EPHX2: variants seen among roughly 807,000 people sequenced by gnomAD.
The protein encoded by EPHX2 is bifunctional epoxide hydrolase 2.
A neutral mutation model predicts 78.7 loss-of-function variants in EPHX2; 74 were observed. That is an observed-to-expected ratio of 0.94 (90% CI 0.78 to 1.14). The LOEUF is 1.14. Ranked by LOEUF, EPHX2 falls within the 50% of genes most tolerant of loss-of-function variation. EPHX2 has a pLI of 0.00. For synonymous variants in EPHX2, 251 were observed against 255.2 expected (o/e 0.98, Z 0.16); for missense variants, 715 against 702.5 (o/e 1.02, Z -0.20).
At chr8:27,521,458 C>T (rs545863971) in intron 10 of EPHX2, among the ~76,000 whole-genome samples, 1 of 152,020 alleles carries the variant, frequency 6.6e-6, no homozygotes, top group Non-Finnish European at 1.5e-5. Context: ...CAGGCCCAGG[C>T]AGAACAGCAG....
chr8:27,535,860 C>G (rs1418302980), intron 12 of EPHX2, among the ~76,000 whole-genome samples: 2 of 152,190 alleles, frequency 1.3e-5, no homozygotes, highest in Non-Finnish European at 2.9e-5. Context: ...CTGGACACTT[C>G]ACTTTAGTCC....
intron 11 of EPHX2, 31 bp from the exon 12 acceptor site, chr8:27,525,331 G>A: frequency 1.3e-6 from 2 of 1,595,118 alleles, no homozygotes; most frequent in Non-Finnish European, 1.7e-6. Flanking sequence ...TTCTTACAGG[G>A]GCTATGTCTT....
chr8:27,546,084 G>A (rs912052261), downstream of EPHX2, among the ~76,000 whole-genome samples: 1 of 149,858 alleles, frequency 6.7e-6, no homozygotes, highest in Non-Finnish European at 1.5e-5. Flanking sequence ...TGTTCTCGTC[G>A]CGCCACTGCA....
At chr8:27,518,720 G>C (rs1184619926) in intron 9 of EPHX2, among the ~76,000 whole-genome samples, 1 of 152,226 alleles carries the variant, frequency 6.6e-6, no homozygotes, top group Non-Finnish European at 1.5e-5. Flanking sequence ...CAGCCCTGTG[G>C]GGGCTTCTCC....
intron 1 of EPHX2, among the ~76,000 whole-genome samples, chr8:27,498,977 T>A (rs1264341509): frequency 2.0e-5 from 3 of 152,180 alleles, no homozygotes; most frequent in Admixed American, 2.0e-4. Flanking sequence ...AGGCTGATAA[T>A]TCCAAGGTTG....
intron 5 of EPHX2, among the ~76,000 whole-genome samples, chr8:27,511,041 G>T (rs1814220829): frequency 6.6e-6 from 1 of 152,202 alleles, no homozygotes; most frequent in Non-Finnish European, 1.5e-5. Flanking sequence ...ACTAGGAGAA[G>T]ATGGCCATCT....
intron 13 of EPHX2, 26 bp downstream of exon 13, chr8:27,536,881 G>A (rs1474643966): frequency 3.7e-6 from 6 of 1,612,962 alleles, no homozygotes; most frequent in African/African-American, 1.3e-5. Context: ...GGGTGCAGAA[G>A]AACAGGAGGG....
intron 8 of EPHX2, among the ~76,000 whole-genome samples, chr8:27,517,391 A>G (rs570529239): frequency 6.6e-5 from 10 of 152,328 alleles, no homozygotes; most frequent in South Asian, 2.1e-4. Context: ...CAGCAATTCT[A>G]CAGTTCTTAT....
intron 15 of EPHX2, 103 bp downstream of exon 15, chr8:27,540,759 C>T (rs1240678505): frequency 2.8e-6 from 3 of 1,089,656 alleles, no homozygotes; most frequent in Admixed American, 3.9e-5. Flanking sequence ...TCCACCACAG[C>T]CCTCGTTAGT....
intron 1 of EPHX2, among the ~76,000 whole-genome samples, chr8:27,495,480 A>G (rs569927982): frequency 1.3e-5 from 2 of 152,322 alleles, no homozygotes; most frequent in African/African-American, 4.8e-5. Context: ...CTGGGCTACA[A>G]TTTGTTGGCA....
intron 12 of EPHX2, among the ~76,000 whole-genome samples, chr8:27,527,025 C>T (rs982872488): frequency 4.6e-5 from 7 of 152,180 alleles, no homozygotes; most frequent in Non-Finnish European, 7.3e-5. Context: ...ACTGCAACCT[C>T]CGCCTCCTAA....
chr8:27,541,538 G>T lies in EPHX2; in HGVS notation c.1445G>T (p.Arg482Leu), dbSNP rs770615757. 1 of 1,614,056 alleles carries T rather than the reference G, an allele frequency of 6.2e-7. No individual in the cohort carries two copies. Among genetic ancestry groups the T allele is most frequent in the Non-Finnish European group, 8.5e-7 (1 of 1,179,864 alleles). The change falls in exon 16 of 19, where the codon CGG becomes CTG. Residue 482 changes from arginine (R) to leucine (L), a missense_variant. Transcript: ENST00000521400. Reference protein sequence around the residue: ...NWKWACKSLGRKILIPALMVT... With the variant: ...NWKWACKSLGLKILIPALMVT... The stretch of plus-strand genomic sequence containing the variant: ...AAGTGGGCTTGCAAAAGCTTGGGAC[G>T]GAAGGTGAGTGCCAGGTTCAGTGTA...
intron 11 of EPHX2, among the ~76,000 whole-genome samples, chr8:27,524,504 C>G (rs1814756374): frequency 6.6e-6 from 1 of 152,182 alleles, no homozygotes; most frequent in Non-Finnish European, 1.5e-5. Flanking sequence ...ACTCAGGTCC[C>G]TTCATGTCTA....
intron 12 of EPHX2, among the ~76,000 whole-genome samples, chr8:27,526,049 A>T (rs762177508): frequency 6.6e-6 from 1 of 152,328 alleles, no homozygotes. Context: ...TGTGGGAGAC[A>T]TCTGCTATGC....
chr8:27,520,966 TAAAG>T, intron 10 of EPHX2, 57 bp downstream of exon 10: 1 of 1,608,160 alleles, frequency 6.2e-7, no homozygotes, highest in Non-Finnish European at 8.5e-7. Context: ...CCTGGGTAAT[TAAAG>T]AAAAGGCGTC....
chr8:27,491,611 C>T (rs1813383151), intron 1 of EPHX2, among the ~76,000 whole-genome samples: 1 of 152,158 alleles, frequency 6.6e-6, no homozygotes, highest in South Asian at 2.1e-4. Context: ...TGGGGTGGCG[C>T]TTAAAGATGC....
intron 5 of EPHX2, 62 bp downstream of exon 5, chr8:27,507,056 GA>G: frequency 6.3e-7 from 1 of 1,584,636 alleles, no homozygotes; most frequent in Non-Finnish European, 8.6e-7. Context: ...GGACTCAGGA[GA>G]AAACCACGAG....
At position 27,544,905 on chromosome 8, in the gene EPHX2, GC is replaced by G. The variant is rs1267741488; in HGVS notation, c.*384del. The G allele has an allele frequency of 4.4e-6, 1 of 225,880 alleles. No individual in the cohort carries two copies. The highest frequency in any genetic ancestry group is 8.8e-6 in the Non-Finnish European group (1 of 113,980). The allele number at this position is 225,880 out of a possible 1,614,324, so 14.0% of individuals were successfully genotyped here. A position where few individuals can be genotyped will look rare whatever the true frequency, so the allele number is the denominator to read the frequency against. ...AGATTGGGATGCCTTACTCAATAAA[GC>G]TAAGATGACTATGCTGCTGGCTGTC... On this transcript the variant is annotated 3_prime_UTR_variant, in exon 19 of 19. Coordinates refer to ENST00000521400, the MANE Select transcript of EPHX2 (RefSeq NM_001979.6).
Position 27,544,576 on chromosome 8 carries a change from C to T in EPHX2, c.*54C>T. On this transcript the variant is annotated 3_prime_UTR_variant, in exon 19 of 19. Coordinates refer to ENST00000521400, the MANE Select transcript of EPHX2 (RefSeq NM_001979.6). ...TGTGCCATCCTTCCACCTGCTGGGG[C>T]ACCATTCTTAGTATACAGAGGTGGC... 6.3e-7 allele frequency: 1 copy of T among 1,584,402 alleles called. No homozygotes were observed. Among genetic ancestry groups the T allele is most frequent in the Non-Finnish European group, 8.7e-7 (1 of 1,154,570 alleles).
Sources: allele counts gnomAD v4.1 joint callset (sites outside exome capture counted in the v4.1 genomes callset), GRCh38; gene constraint gnomAD v4.1.1; transcripts MANE v1.5; gene names NCBI Gene and HGNC (gene_info 2026-07-23, HGNC 2026-07-21).